The following LRRC51 variants were observed in gnomAD, a reference collection of about 807,000 sequenced individuals.
The protein encoded by LRRC51 is leucine-rich repeat-containing protein 51.
Under a neutral mutation model 17.8 loss-of-function variants are expected in LRRC51, and 8 were observed. The ratio of observed to expected loss-of-function variants is 0.45; its 90% CI spans 0.26 to 0.81. The LOEUF (loss-of-function observed/expected upper bound fraction) is 0.81, where lower values mean the gene tolerates loss of function less well. LRRC51 is among the 30% of genes least tolerant of loss of function. The probability of loss-of-function intolerance (pLI) is 0.17; values close to 1 mark genes in which losing one functional copy is unlikely to be tolerated. For synonymous variants in LRRC51, 92 were observed against 96.0 expected (o/e 0.96, Z 0.24); for missense variants, 233 against 239.3 (o/e 0.97, Z 0.17).
chr11:72,082,958 C>T (rs996767299), intron 1 of LRRC51, among the ~76,000 whole-genome samples: 6 of 152,098 alleles, frequency 3.9e-5, no homozygotes, highest in East Asian at 3.9e-4. Flanking sequence ...CTCCACCTCC[C>T]GGTTTCAAGC....
intron 1 of LRRC51, among the ~76,000 whole-genome samples, chr11:72,081,915 C>T (rs569389169): frequency 6.6e-6 from 1 of 152,292 alleles, no homozygotes; most frequent in African/African-American, 2.4e-5. Flanking sequence ...CTTCATTTCA[C>T]AGATTGGAAA....
At chr11:72,094,878 G>T in intron 4 of LRRC51, 70 bp from the exon 5 acceptor site, 3 of 1,614,086 alleles carry the variant, frequency 1.9e-6, no homozygotes, top group Admixed American at 1.7e-5. Context: ...CTCTGCCCAC[G>T]AGTCAGCCCT....
intron 1 of LRRC51, chr11:72,083,972 C>T (rs1944386139): frequency 6.6e-6 from 1 of 152,212 alleles, no homozygotes; most frequent in South Asian, 2.1e-4. Context: ...TATAACCTCC[C>T]AGAATATATT....
At chr11:72,093,428 CTG>C (rs1944978946) in intron 3 of LRRC51, 66 bp from the exon 4 acceptor site, 1 of 1,442,644 alleles carries the variant, frequency 6.9e-7, no homozygotes, top group Non-Finnish European at 9.5e-7. Context: ...CTTTCCAGCT[CTG>C]TCCCTTCCCA....
In LRRC51 at chr11:72,096,855, C is replaced by T. The variant is rs1945238427; in HGVS notation, c.*1335C>T. 1.6e-6 allele frequency: 2 copies of T among 1,265,338 alleles called. No individual in the cohort carries two copies. The highest frequency in any genetic ancestry group is 6.3e-5 in the South Asian group (2 of 31,954). 78.4% of individuals were successfully genotyped at this position (1,265,338 alleles called of 1,614,324 possible). On this transcript the variant is annotated 3_prime_UTR_variant, in exon 6 of 6. Transcript: ENST00000289488. ...TTCTGTTTTATATGCTGGGATTCTG[C>T]TTAAGATTTCATTTGATAAAAAGAA...
At position 72,088,919 on chromosome 11, in the gene LRRC51, T is replaced by C. The variant is rs78796585; in HGVS notation, c.-55-110T>C. The C allele has an allele frequency of 4.6e-3, 5,905 of 1,291,252 alleles. 211 individuals are homozygous for C. In the African/African-American group the frequency reaches 0.076, roughly 17 times the overall value. 80.0% of individuals were successfully genotyped at this position (1,291,252 alleles called of 1,614,324 possible). Reference sequence around the variant, plus strand: ...GTGATTTCATATCTTAAAATGGAAATACAGCCAGGCAGGCCTAGAGTAGTA... The same window carrying C: ...GTGATTTCATATCTTAAAATGGAAACACAGCCAGGCAGGCCTAGAGTAGTA... On this transcript the variant is annotated intron_variant, in intron 2 of 5. Coordinates refer to ENST00000289488, the MANE Select transcript of LRRC51 (RefSeq NM_145309.6).
intron 3 of LRRC51, among the ~76,000 whole-genome samples, chr11:72,093,265 A>C (rs985470101): frequency 2.6e-5 from 4 of 152,222 alleles, no homozygotes; most frequent in Admixed American, 2.6e-4. Flanking sequence ...TGAGAAGTCC[A>C]TGTGACCTGG....
intron 2 of LRRC51, 123 bp from the exon 3 acceptor site, chr11:72,088,906 C>A: frequency 1.7e-6 from 2 of 1,161,660 alleles, no homozygotes; most frequent in Non-Finnish European, 2.4e-6. Flanking sequence ...GATTTCATAT[C>A]TTAAAATGGA....
rs992281809 is a variant in LRRC51, at chr11:72,095,627, A to G, written c.*107A>G. The stretch of plus-strand genomic sequence containing the variant: ...ATGAGAAGTCACTTACACCTTGTAG[A>G]GATGTTCTCTAACTCAGGCAACTGC... On this transcript the variant is annotated 3_prime_UTR_variant, in exon 6 of 6. Transcript: ENST00000289488. The G allele has an allele frequency of 1.5e-5, 24 of 1,550,244 alleles. No homozygotes were observed. Among genetic ancestry groups the G allele is most frequent in the African/African-American group, 9.6e-5 (7 of 73,048 alleles).
intron 3 of LRRC51, among the ~76,000 whole-genome samples, chr11:72,092,985 T>G (rs1246300342): frequency 6.6e-6 from 1 of 152,240 alleles, no homozygotes; most frequent in African/African-American, 2.4e-5. Context: ...TCTGCCCTAT[T>G]ATTCATACAA....
At chr11:72,086,612 G>A (rs1384568243) in intron 1 of LRRC51, among the ~76,000 whole-genome samples, 1 of 152,186 alleles carries the variant, frequency 6.6e-6, no homozygotes, top group East Asian at 1.9e-4. Context: ...CTCACAGCCT[G>A]GGCTACAGCT....
Position 72,096,663 on chromosome 11 carries a change from A to G in LRRC51, c.*1143A>G. 1.3e-6 allele frequency: 2 copies of G among 1,543,290 alleles called. No individual in the cohort carries two copies. ...TATCTAACTCTCTGGGCCCCTTTGT[A>G]CTTTTCAGCTTAGAGATTTGGGGGT... is the stretch of plus-strand genomic sequence containing the variant. On this transcript the variant is annotated 3_prime_UTR_variant, in exon 6 of 6. Transcript: ENST00000289488.
intron 3 of LRRC51, among the ~76,000 whole-genome samples, chr11:72,090,411 G>A (rs575334833): frequency 2.6e-5 from 4 of 152,284 alleles, no homozygotes; most frequent in South Asian, 2.1e-4. Context: ...ATCACAAAAC[G>A]TAAATGGTAC....
At chr11:72,095,342 TG>T (rs765629886) in intron 5 of LRRC51, 36 bp from the exon 6 acceptor site, 1 of 1,613,166 alleles carries the variant, frequency 6.2e-7, no homozygotes, top group Non-Finnish European at 8.5e-7. Flanking sequence ...GGGATTCTGG[TG>T]GGGGTGCTGG....
intron 4 of LRRC51, chr11:72,094,628 T>G (rs1005867598): frequency 1.5e-6 from 1 of 686,198 alleles, no homozygotes; most frequent in Non-Finnish European, 2.6e-6. Flanking sequence ...TTGCTTGCTG[T>G]GATAGAATCG....
intron 2 of LRRC51, 90 bp from the exon 3 acceptor site, chr11:72,088,936 AGAG>A: frequency 7.0e-7 from 1 of 1,436,682 alleles, no homozygotes; most frequent in Non-Finnish European, 9.5e-7. Context: ...AGGCAGGCCT[AGAG>A]TAGTAGAGGA....
At chr11:72,088,601 A>G (rs1446469475) in intron 2 of LRRC51, 1 of 587,048 alleles carries the variant, frequency 1.7e-6, no homozygotes, top group African/African-American at 1.9e-5. Flanking sequence ...GTTAAGCAAT[A>G]GAATAGCCCA....
In LRRC51 at chr11:72,089,478, T is replaced by C. The variant is rs2136506149; in HGVS notation, c.82+313T>C. On this transcript the variant is annotated intron_variant, in intron 3 of 5. Transcript: ENST00000289488. Reference sequence around the variant, plus strand: ...TGATCATCTTTAAAAGAAGCCAGGCTACAGCAGGAAAGTCAAGTGGAAGAA... The same window carrying C: ...TGATCATCTTTAAAAGAAGCCAGGCCACAGCAGGAAAGTCAAGTGGAAGAA... 3.1e-6 allele frequency: 4 copies of C among 1,303,626 alleles called. No individual in the cohort carries two copies. In the South Asian group the frequency reaches 5.2e-5, roughly 17 times the overall value. 80.8% of individuals were successfully genotyped at this position (1,303,626 alleles called of 1,614,324 possible).
chr11:72,084,861 CGTGTGTGTGTGTGTGT>C (rs55904624), intron 1 of LRRC51, among the ~76,000 whole-genome samples: 3,236 of 124,266 alleles, frequency 0.026, 96 homozygotes, highest in African/African-American at 0.074. Flanking sequence ...AAAAGAAAAC[CGTGTGTGTGTGTGTGT>C]GTGTGTGTGT....
Sources: allele counts gnomAD v4.1 joint callset (sites outside exome capture counted in the v4.1 genomes callset), GRCh38; gene constraint gnomAD v4.1.1; transcripts MANE v1.5; gene names NCBI Gene and HGNC (gene_info 2026-07-23, HGNC 2026-07-21).